The following PDE3B variants were observed in gnomAD, a reference collection of about 807,000 sequenced individuals.
PDE3B encodes the protein phosphodiesterase 3B.
A neutral mutation model predicts 116.8 loss-of-function variants in PDE3B; 66 were observed. The ratio of observed to expected loss-of-function variants is 0.56; its 90% CI spans 0.46 to 0.69. The LOEUF (loss-of-function observed/expected upper bound fraction) is 0.69, where lower values mean the gene tolerates loss of function less well. Ranked by LOEUF, PDE3B falls within the 30% of genes least tolerant of loss-of-function variation. PDE3B has a pLI of 0.00. For missense variants in PDE3B, 1,384 were observed against 1,368.1 expected (o/e 1.01, Z -0.18); for synonymous variants, 595 against 533.6 (o/e 1.12, Z -1.59).
chr11:14,774,453 A>G (rs1367878093), intron 2 of PDE3B: 1 of 152,222 alleles, frequency 6.6e-6, no homozygotes, highest in Non-Finnish European at 1.5e-5. Context: ...TAAGACAGGA[A>G]TGAGCATTTT....
chr11:14,797,918 T>C (rs779573646), intron 4 of PDE3B, among the ~76,000 whole-genome samples: 4 of 152,206 alleles, frequency 2.6e-5, no homozygotes, highest in Non-Finnish European at 4.4e-5. Context: ...TGAATACCGC[T>C]TATTTCTTTC....
intron 1 of PDE3B, chr11:14,699,418 A>G (rs951065248): frequency 4.7e-4 from 71 of 151,844 alleles, no homozygotes; most frequent in African/African-American, 1.6e-3. Context: ...ACTTTTTTAT[A>G]TAAGAAAAAT....
chr11:14,874,477 G>C (rs1848171859), downstream of PDE3B, among the ~76,000 whole-genome samples: 1 of 152,196 alleles, frequency 6.6e-6, no homozygotes, highest in East Asian at 1.9e-4. Flanking sequence ...TTAAGAAAGT[G>C]TGTATCTTTG....
intron 1 of PDE3B, among the ~76,000 whole-genome samples, chr11:14,737,996 AT>A (rs1406771856): frequency 2.6e-5 from 4 of 151,984 alleles, no homozygotes; most frequent in Non-Finnish European, 4.4e-5. Flanking sequence ...TATGTGCCAC[AT>A]TTTCTTAATC....
intron 5 of PDE3B, among the ~76,000 whole-genome samples, chr11:14,809,907 G>T (rs1266411548): frequency 3.3e-5 from 5 of 151,060 alleles, no homozygotes; most frequent in African/African-American, 1.2e-4. Flanking sequence ...TTTTTTTTAG[G>T]TGGTATAGAT....
chr11:14,667,040 T>A (rs1854179314), intron 1 of PDE3B, among the ~76,000 whole-genome samples: 1 of 152,102 alleles, frequency 6.6e-6, no homozygotes, highest in Non-Finnish European at 1.5e-5. Context: ...AACCCAAATG[T>A]CCAACAATGA....
At chr11:14,853,375 G>C (rs1174390518) in intron 12 of PDE3B, among the ~76,000 whole-genome samples, 10 of 152,104 alleles carry the variant, frequency 6.6e-5, no homozygotes, top group African/African-American at 2.4e-4. Context: ...CATACAAAAA[G>C]CATTTAGTAA....
At chr11:14,820,232 C>CTT (rs36115886) in intron 7 of PDE3B, among the ~76,000 whole-genome samples, 297 of 140,760 alleles carry the variant, frequency 2.1e-3, no homozygotes, top group African/African-American at 4.7e-3. Flanking sequence ...CCAACTCATT[C>CTT]TTTTTTTTTT....
At chr11:14,809,530 A>G (rs1859060833) in intron 5 of PDE3B, among the ~76,000 whole-genome samples, 1 of 152,248 alleles carries the variant, frequency 6.6e-6, no homozygotes, top group South Asian at 2.1e-4. Context: ...AAATGGACAG[A>G]TCTATAGATA....
At chr11:14,671,587 C>T (rs1854369300) in intron 1 of PDE3B, among the ~76,000 whole-genome samples, 2 of 152,130 alleles carry the variant, frequency 1.3e-5, no homozygotes, top group South Asian at 2.1e-4. Context: ...ATTATTCTTG[C>T]TTGTTTATGG....
intron 5 of PDE3B, among the ~76,000 whole-genome samples, chr11:14,811,626 T>C (rs1859134449): frequency 2.0e-5 from 3 of 152,256 alleles, no homozygotes; most frequent in Admixed American, 2.0e-4. Context: ...CGATGTGGGC[T>C]CTTTTTTGGT....
intron 1 of PDE3B, among the ~76,000 whole-genome samples, chr11:14,664,442 C>A (rs563761746): frequency 6.6e-6 from 1 of 152,178 alleles, no homozygotes; most frequent in South Asian, 2.1e-4. Context: ...GAAATAGAGT[C>A]ACAAAAAACA....
the PDE3B span, among the ~76,000 whole-genome samples, chr11:14,889,937 C>T: frequency 6.6e-6 from 1 of 151,890 alleles, no homozygotes. Context: ...GACCATCCTG[C>T]CTAACCGAGT....
chr11:14,645,456 C>G (rs941026905), intron 1 of PDE3B, among the ~76,000 whole-genome samples: 5 of 152,086 alleles, frequency 3.3e-5, no homozygotes, highest in Admixed American at 1.3e-4. Context: ...TATAATGATG[C>G]CTACCCAAAA....
intron 5 of PDE3B, among the ~76,000 whole-genome samples, chr11:14,812,631 TA>T (rs879892038): frequency 7.2e-5 from 11 of 152,082 alleles, no homozygotes; most frequent in Non-Finnish European, 1.3e-4. Flanking sequence ...ACAAAAATGA[TA>T]AAAAATCTGA....
chr11:14,668,479 G>C (rs1257158211), intron 1 of PDE3B, among the ~76,000 whole-genome samples: 1 of 151,964 alleles, frequency 6.6e-6, no homozygotes, highest in African/African-American at 2.4e-5. Context: ...ATTTTTTAAT[G>C]AATACACTAA....
At chr11:14,894,366 A>G in the PDE3B span, among the ~76,000 whole-genome samples, 1 of 152,090 alleles carries the variant, frequency 6.6e-6, no homozygotes, top group African/African-American at 2.4e-5. Flanking sequence ...GAGCTGAGGA[A>G]TATCACCTAT....
At position 14,744,941 on chromosome 11, in the gene PDE3B, T is replaced by C. The variant is rs911484633; in HGVS notation, c.979-26996T>C. Among the ~76,000 whole-genome samples, 4 of 152,190 alleles carry C rather than the reference T, an allele frequency of 2.6e-5. No homozygotes were observed. In the East Asian group the frequency reaches 5.8e-4, roughly 22 times the overall value. Reference sequence around the variant, plus strand: ...ATATAGTATAATTGTTCTTTAAGTGTTTATCCTTTTTGTTAATTTATAAGC... The same window carrying C: ...ATATAGTATAATTGTTCTTTAAGTGCTTATCCTTTTTGTTAATTTATAAGC... On this transcript the variant is annotated intron_variant, in intron 1 of 15. Transcript: ENST00000282096.
At position 14,871,950 on chromosome 11, in the gene PDE3B, A is replaced by G. The variant is rs1555009155; in HGVS notation, c.*2290A>G. The G allele has an allele frequency of 6.6e-6, 1 of 152,158 alleles. No individual in the cohort carries two copies. The highest frequency in any genetic ancestry group is 2.4e-5 in the African/African-American group (1 of 41,460). The allele number at this position is 152,158 out of a possible 1,614,324, so 9.4% of individuals were successfully genotyped here. On this transcript the variant is annotated 3_prime_UTR_variant, in exon 16 of 16. Transcript: ENST00000282096. ...TAATAATTTTCATCATAAATTTTCT[A>G]TTTTTAAAGCCGCTGGTACTAGAAA...
Sources: allele counts gnomAD v4.1 joint callset (sites outside exome capture counted in the v4.1 genomes callset), GRCh38; gene constraint gnomAD v4.1.1; transcripts MANE v1.5; gene names NCBI Gene and HGNC (gene_info 2026-07-23, HGNC 2026-07-21).